Variants in CLIC5 observed in about 807,000 individuals in gnomAD.
The protein encoded by CLIC5 is chloride intracellular channel protein 5.
In CLIC5, 20 loss-of-function variants were observed where a neutral mutation model predicts 24.7. The observed-to-expected ratio is 0.81, with a 90% CI of 0.57 to 1.18. CLIC5 has a LOEUF of 1.18. Among genes scored for constraint, CLIC5 ranks in the 50% most tolerant of loss-of-function variants. CLIC5 has a pLI of 0.00. For synonymous variants in CLIC5, 159 were observed against 135.6 expected (o/e 1.17, Z -1.20); for missense variants, 341 against 326.1 (o/e 1.05, Z -0.35).
intron 1 of CLIC5, among the ~76,000 whole-genome samples, chr6:46,006,603 A>G (rs933559941): frequency 1.3e-5 from 2 of 150,218 alleles, no homozygotes; most frequent in Admixed American, 6.6e-5. Context: ...TTTATTTCCT[A>G]CCTCTTATTC....
At chr6:46,015,946 C>T (rs9472663), upstream of CLIC5, 2 of 983,304 alleles carry the variant, frequency 2.0e-6, no homozygotes, top group Non-Finnish European at 2.4e-6. Flanking sequence ...GACACCCCGG[C>T]AGCTCGGGCC....
intron 2 of CLIC5, among the ~76,000 whole-genome samples, chr6:45,954,621 A>T (rs1394394271): frequency 6.6e-6 from 1 of 151,998 alleles, no homozygotes; most frequent in African/African-American, 2.4e-5. Flanking sequence ...GGTGTTTGTA[A>T]GTCATTAAAC....
intron 4 of CLIC5, among the ~76,000 whole-genome samples, chr6:45,937,047 C>T (rs1262322313): frequency 6.6e-6 from 1 of 151,732 alleles, no homozygotes; most frequent in Non-Finnish European, 1.5e-5. Flanking sequence ...AGCACAGAAT[C>T]GTCCCTCAGG....
chr6:46,047,967 C>T (rs1767999362), intron 1 of CLIC5, among the ~76,000 whole-genome samples: 1 of 149,442 alleles, frequency 6.7e-6, no homozygotes, highest in Non-Finnish European at 1.5e-5. Context: ...GTTTTAATTC[C>T]TTTTCATATT....
At chr6:45,961,539 A>T (rs960793564) in intron 1 of CLIC5, among the ~76,000 whole-genome samples, 2 of 152,262 alleles carry the variant, frequency 1.3e-5, no homozygotes, top group African/African-American at 4.8e-5. Flanking sequence ...TTCTTTAAAC[A>T]TAATAGCTCA....
intron 5 of CLIC5, among the ~76,000 whole-genome samples, chr6:45,908,272 T>G (rs551007357): frequency 6.6e-6 from 1 of 152,294 alleles, no homozygotes; most frequent in South Asian, 2.1e-4. Flanking sequence ...TCAATTTCAT[T>G]CAGTTCTGCT....
chr6:46,080,341 G>C, exon 1 of CLIC5: 2 of 1,053,338 alleles, frequency 1.9e-6, no homozygotes, highest in South Asian at 3.4e-5. Context: ...AGGAATCAAC[G>C]AGCTCTTAAA....
upstream of CLIC5, among the ~76,000 whole-genome samples, chr6:46,081,435 G>A (rs757167129): frequency 3.2e-4 from 48 of 152,120 alleles, no homozygotes; most frequent in Non-Finnish European, 4.6e-4. Flanking sequence ...GCAAAACTTC[G>A]TTGTACTCTT....
At chr6:45,956,885 C>A (rs1490809876) in intron 1 of CLIC5, among the ~76,000 whole-genome samples, 1 of 152,158 alleles carries the variant, frequency 6.6e-6, no homozygotes, top group Non-Finnish European at 1.5e-5. Context: ...GGCGCTACAC[C>A]TTCCCACGGA....
intron 6 of CLIC5, among the ~76,000 whole-genome samples, chr6:45,889,076 A>T (rs1490623482): frequency 6.6e-6 from 1 of 152,162 alleles, no homozygotes; most frequent in Non-Finnish European, 1.5e-5. Flanking sequence ...ATAATGAAAG[A>T]TCCGTCAGTC....
the CLIC5 span, among the ~76,000 whole-genome samples, chr6:46,099,178 TAA>T: frequency 6.6e-6 from 1 of 152,186 alleles, no homozygotes; most frequent in Non-Finnish European, 1.5e-5. Flanking sequence ...CACTGAATCC[TAA>T]GTGTACAGGC....
Position 45,977,940 on chromosome 6 carries a change from T to G in CLIC5, c.64-22696A>C, listed in dbSNP as rs183101034. ...TGGGTTTCCACTCAGCGTCTTTCCCTGTAGCTTGCTGCAGTGGTGGGGTTT... is the reference window on the plus strand; with the variant it reads ...TGGGTTTCCACTCAGCGTCTTTCCCGGTAGCTTGCTGCAGTGGTGGGGTTT... On this transcript the variant is annotated intron_variant, in intron 1 of 5. Transcript: ENST00000339561. 2.9e-3 allele frequency among the ~76,000 whole-genome samples: 443 copies of G among 152,338 alleles called. 2 individuals carry two copies. The highest frequency in any genetic ancestry group is 9.4e-3 in the African/African-American group (392 of 41,570).
chr6:46,030,174 A>G (rs1297644986), intron 1 of CLIC5, among the ~76,000 whole-genome samples: 2 of 152,130 alleles, frequency 1.3e-5, no homozygotes, highest in African/African-American at 2.4e-5. Context: ...AGTATTTCCA[A>G]GATAGTGCAC....
chr6:45,954,452 T>TA (rs1428086105), intron 2 of CLIC5, among the ~76,000 whole-genome samples: 2 of 151,986 alleles, frequency 1.3e-5, no homozygotes, highest in Non-Finnish European at 2.9e-5. Context: ...ACAATTCACA[T>TA]AAAGATAACA....
intron 1 of CLIC5, among the ~76,000 whole-genome samples, chr6:45,969,636 A>G (rs116771117): frequency 5.1e-4 from 77 of 152,264 alleles, no homozygotes; most frequent in African/African-American, 1.7e-3. Flanking sequence ...GAAGACAGGA[A>G]AAACAGAACT....
chr6:46,053,843 T>G (rs1409025770), intron 1 of CLIC5, among the ~76,000 whole-genome samples: 1 of 152,196 alleles, frequency 6.6e-6, no homozygotes, highest in Non-Finnish European at 1.5e-5. Flanking sequence ...AGTGTTGCCC[T>G]GAAGAGCCCT....
intron 1 of CLIC5, among the ~76,000 whole-genome samples, chr6:46,026,854 C>T (rs1187434562): frequency 2.6e-5 from 4 of 151,914 alleles, no homozygotes; most frequent in African/African-American, 4.8e-5. Flanking sequence ...ATAAAGCTAA[C>T]AGCATTGAGA....
chr6:46,055,483 C>T (rs1036205172), intron 1 of CLIC5, among the ~76,000 whole-genome samples: 4 of 152,164 alleles, frequency 2.6e-5, no homozygotes, highest in Non-Finnish European at 5.9e-5. Context: ...GGTGATCTGC[C>T]CGCCTCGGCC....
the CLIC5 span, among the ~76,000 whole-genome samples, chr6:46,119,291 AATTTAACCTCTGCCTG>A: frequency 6.6e-6 from 1 of 152,224 alleles, no homozygotes; most frequent in Non-Finnish European, 1.5e-5. Flanking sequence ...CTTGCAGCTG[AATTTAACCTCTGCCTG>A]ATTTAACCTC....
Sources: allele counts gnomAD v4.1 joint callset (sites outside exome capture counted in the v4.1 genomes callset), GRCh38; gene constraint gnomAD v4.1.1; transcripts MANE v1.5; gene names NCBI Gene and HGNC (gene_info 2026-07-23, HGNC 2026-07-21).